Variants in MYT1L observed in about 807,000 individuals in gnomAD.
The protein encoded by MYT1L is myelin transcription factor 1 like, also known as myelin transcription factor 1-like protein.
In MYT1L, 12 loss-of-function variants were observed where a neutral mutation model predicts 126.7. That is an observed-to-expected ratio of 0.09 (90% CI 0.06 to 0.15). The LOEUF (loss-of-function observed/expected upper bound fraction) is 0.15. Among genes scored for constraint, MYT1L ranks in the 10% least tolerant of loss-of-function variants. The pLI, the probability that MYT1L is intolerant of heterozygous loss-of-function variation, is 1.00. For synonymous variants in MYT1L, 541 were observed against 604.2 expected, an observed-to-expected ratio of 0.90 and a Z score of 1.53; for missense variants, 979 against 1,585.2, an observed-to-expected ratio of 0.62 and a Z score of 6.49.
intron 3 of MYT1L, among the ~76,000 whole-genome samples, chr2:2,164,775 C>T (rs775081271): frequency 2.0e-5 from 3 of 152,206 alleles, no homozygotes; most frequent in South Asian, 2.1e-4. Flanking sequence ...AGCACATACA[C>T]GCCGTTGCTC....
Position 2,059,958 on chromosome 2 carries a change from G to A in MYT1L, c.-303-5835C>T, listed in dbSNP as rs1219256723. ...GGCACCCCAACCCCACCACGAGCTC[G>A]TCAGGGCAGGGGACAGAGCCCATTA... is the stretch of plus-strand genomic sequence containing the variant. On this transcript the variant is annotated intron_variant, in intron 3 of 24. Coordinates refer to ENST00000647738, the MANE Select transcript of MYT1L (RefSeq NM_001303052.2). The surrounding 1 kb of genome is among the most constrained non-coding windows in gnomAD (Gnocchi z 4.7). Among the ~76,000 whole-genome samples the A allele has an allele frequency of 3.3e-5, 5 of 152,190 alleles. No homozygotes were observed. Among genetic ancestry groups the A allele is most frequent in the Non-Finnish European group, 7.3e-5 (5 of 68,034 alleles).
At chr2:2,198,725 G>T (rs1267304780) in intron 2 of MYT1L, among the ~76,000 whole-genome samples, 1 of 149,340 alleles carries the variant, frequency 6.7e-6, no homozygotes, top group Admixed American at 6.6e-5. Flanking sequence ...AGGCGTTGTG[G>T]TGTGTGCCTG....
intron 21 of MYT1L, among the ~76,000 whole-genome samples, chr2:1,837,944 CTCTGTCACCCA>C (rs2041134571): frequency 6.7e-6 from 1 of 150,352 alleles, no homozygotes; most frequent in African/African-American, 2.5e-5. Context: ...CAGAGTGTTG[CTCTGTCACCCA>C]GGCTGGAGTG....
At chr2:1,983,905 C>A (rs2060801785) in intron 5 of MYT1L, among the ~76,000 whole-genome samples, 1 of 152,126 alleles carries the variant, frequency 6.6e-6, no homozygotes, top group African/African-American at 2.4e-5. Context: ...AGAAAATCAC[C>A]CTTAAAACTC....
At chr2:2,152,298 C>T (rs941286854) in intron 3 of MYT1L, among the ~76,000 whole-genome samples, 8 of 152,142 alleles carry the variant, frequency 5.3e-5, no homozygotes, top group African/African-American at 1.9e-4. Flanking sequence ...CAGGATGGAG[C>T]GAGAAGGTGT....
intron 4 of MYT1L, among the ~76,000 whole-genome samples, chr2:1,998,186 T>C (rs964060689): frequency 1.4e-4 from 21 of 152,162 alleles, no homozygotes; most frequent in African/African-American, 4.3e-4. Context: ...ATGATTTCCA[T>C]TCCAAAGGAT....
intron 2 of MYT1L, among the ~76,000 whole-genome samples, chr2:2,183,818 G>T (rs1236910918): frequency 7.2e-6 from 1 of 139,014 alleles, no homozygotes; most frequent in Non-Finnish European, 1.5e-5. Context: ...GAAGGAGAGA[G>T]ACAAAGGAAG....
At chr2:1,976,013 T>A (rs1204300660) in intron 8 of MYT1L, among the ~76,000 whole-genome samples, 1 of 150,830 alleles carries the variant, frequency 6.6e-6, no homozygotes, top group Non-Finnish European at 1.5e-5. Flanking sequence ...CTCAAAGTAC[T>A]GAAATACAAC....
chr2:2,121,407 C>A (rs181034022), intron 3 of MYT1L, among the ~76,000 whole-genome samples: 2 of 152,140 alleles, frequency 1.3e-5, no homozygotes, highest in East Asian at 3.9e-4. Flanking sequence ...GGACTCCTGA[C>A]ATCGTGATCC....
intron 4 of MYT1L, among the ~76,000 whole-genome samples, chr2:2,045,432 A>G (rs1045127811): frequency 6.6e-6 from 1 of 152,100 alleles, no homozygotes; most frequent in Non-Finnish European, 1.5e-5. Context: ...AGGGGCCAAA[A>G]CTCCTGTCTG....
At chr2:2,044,597 G>A (rs767817432) in intron 4 of MYT1L, among the ~76,000 whole-genome samples, 3 of 152,130 alleles carry the variant, frequency 2.0e-5, no homozygotes, top group African/African-American at 4.8e-5. Flanking sequence ...AATCTTAGAC[G>A]TCTTCTTTGA....
intron 3 of MYT1L, among the ~76,000 whole-genome samples, chr2:2,066,671 G>C (rs753098716): frequency 2.6e-5 from 4 of 152,204 alleles, no homozygotes; most frequent in Non-Finnish European, 4.4e-5. Flanking sequence ...TCAGGGGCAG[G>C]TAGCTGCCCC....
chr2:2,143,816 A>G (rs2084421844), intron 3 of MYT1L, among the ~76,000 whole-genome samples: 2 of 152,176 alleles, frequency 1.3e-5, no homozygotes, highest in African/African-American at 2.4e-5. Flanking sequence ...TTGCAGCAAC[A>G]TGGATGCAGC....
At chr2:1,863,686 C>T (rs942374573) in intron 18 of MYT1L, among the ~76,000 whole-genome samples, 8 of 150,186 alleles carry the variant, frequency 5.3e-5, no homozygotes, top group African/African-American at 7.4e-5. Flanking sequence ...GATTGTATTC[C>T]GACAGTGGTG....
At chr2:2,113,909 G>C (rs1251820455) in intron 3 of MYT1L, among the ~76,000 whole-genome samples, 1 of 151,738 alleles carries the variant, frequency 6.6e-6, no homozygotes, top group African/African-American at 2.4e-5. Context: ...TACACAGATA[G>C]GAAAACAGTT....
intron 8 of MYT1L, among the ~76,000 whole-genome samples, chr2:1,954,882 A>G (rs2058199615): frequency 6.6e-6 from 1 of 152,010 alleles, no homozygotes; most frequent in African/African-American, 2.4e-5. Flanking sequence ...CAGGCCAAAC[A>G]TGGTGAAACC....
chr2:1,917,461 T>A lies in MYT1L; in HGVS notation c.1484-122A>T. On this transcript the variant is annotated intron_variant, in intron 10 of 24. Transcript: ENST00000647738. The surrounding 1 kb of genome is among the most constrained non-coding windows in gnomAD (Gnocchi z 5.9). Reference sequence around the variant, plus strand: ...ATAAAGCAGGTGTCGGGGGCTAGGCTGTGACATCAGACTTTTGCTTAGATA... The same window carrying A: ...ATAAAGCAGGTGTCGGGGGCTAGGCAGTGACATCAGACTTTTGCTTAGATA... 8.4e-7 allele frequency: 1 copy of A among 1,186,384 alleles called. No homozygotes were observed. Among genetic ancestry groups the A allele is most frequent in the Non-Finnish European group, 1.2e-6 (1 of 844,750 alleles). 73.5% of individuals were successfully genotyped at this position (1,186,384 alleles called of 1,614,324 possible).
chr2:1,844,565 C>T (rs1369827399), intron 19 of MYT1L, among the ~76,000 whole-genome samples: 2 of 152,114 alleles, frequency 1.3e-5, no homozygotes, highest in South Asian at 2.1e-4. Context: ...AAGGAAGAGG[C>T]GATGCTATGT....
At chr2:1,966,098 G>C (rs2059333067) in intron 8 of MYT1L, among the ~76,000 whole-genome samples, 1 of 152,224 alleles carries the variant, frequency 6.6e-6, no homozygotes, top group African/African-American at 2.4e-5. Flanking sequence ...CATGAGATCA[G>C]TGCTTTCTAA....
Sources: allele counts gnomAD v4.1 joint callset (sites outside exome capture counted in the v4.1 genomes callset), GRCh38; gene constraint gnomAD v4.1.1; non-coding constraint Gnocchi (gnomAD v3.1); transcripts MANE v1.5; gene names NCBI Gene and HGNC (gene_info 2026-07-23, HGNC 2026-07-21).